The following SLC17A8 variants were observed in gnomAD, a reference collection of about 807,000 sequenced individuals.
SLC17A8 encodes solute carrier family 17 member 8.
Under a neutral mutation model 58.0 loss-of-function variants are expected in SLC17A8, and 31 were observed. That is an observed-to-expected ratio of 0.53 (90% CI 0.40 to 0.72). The LOEUF (loss-of-function observed/expected upper bound fraction) is 0.72, where lower values mean the gene tolerates loss of function less well. Ranked by LOEUF, SLC17A8 falls within the 30% of genes least tolerant of loss-of-function variation. SLC17A8 has a pLI of 0.00. For missense variants in SLC17A8, 655 were observed against 727.8 expected (o/e 0.90, Z 1.15); for synonymous variants, 228 against 249.0 (o/e 0.92, Z 0.79).
intron 1 of SLC17A8, among the ~76,000 whole-genome samples, chr12:100,364,233 C>T (rs1339164777): frequency 6.6e-6 from 1 of 152,108 alleles, no homozygotes; most frequent in African/African-American, 2.4e-5. Flanking sequence ...AAATCAGACA[C>T]TGAATCCTCA....
intron 10 of SLC17A8, among the ~76,000 whole-genome samples, chr12:100,415,918 A>G (rs1376372691): frequency 6.6e-6 from 1 of 152,212 alleles, no homozygotes; most frequent in Non-Finnish European, 1.5e-5. Flanking sequence ...TTGCAGCCAC[A>G]GGGGCAATAA....
intron 3 of SLC17A8, 85 bp downstream of exon 3, chr12:100,391,204 G>C: frequency 1.0e-6 from 1 of 954,892 alleles, no homozygotes; most frequent in Non-Finnish European, 1.7e-6. Context: ...TCTCAATTTG[G>C]GGGTGCAGAA....
Position 100,420,087 on chromosome 12 carries a change from A to G in SLC17A8, c.1698A>G (p.Arg566=). 6.2e-7 allele frequency: 1 copy of G among 1,614,166 alleles called. No homozygotes were observed. The highest frequency in any genetic ancestry group is 8.5e-7 in the Non-Finnish European group (1 of 1,180,016). ...EVQKKEWKGQ[R]GATLDEEELT... is the part of the protein sequence containing the mutation. ...AGAAGAAGGAATGGAAAGGACAGAGAGGAGCGACCCTTGATGAGGAAGAGC... is the reference window on the plus strand; with the variant it reads ...AGAAGAAGGAATGGAAAGGACAGAGGGGAGCGACCCTTGATGAGGAAGAGC... Residue 566 remains arginine (R), a synonymous_variant, in exon 12 of 12, where the codon AGA becomes AGG. Transcript: ENST00000323346.
At chr12:100,377,585 A>AT (rs35397911) in intron 1 of SLC17A8, among the ~76,000 whole-genome samples, 1,255 of 83,862 alleles carry the variant, frequency 0.015, 35 homozygotes, top group East Asian at 0.05. Context: ...ATATATATAT[A>AT]TTTTTTTTTT....
chr12:100,396,378 C>T lies in SLC17A8; in HGVS notation c.637C>T (p.Pro213Ser). Residue 213 changes from proline to serine, a missense_variant, in exon 5 of 12, where the codon CCT becomes TCT. Transcript: ENST00000323346. Reference sequence around the variant, plus strand: ...TGGGATGTGGAGTAAGTGGGCACCACCTTTGGAGAGAAGCCGACTGGCCAC... The same window carrying T: ...TGGGATGTGGAGTAAGTGGGCACCATCTTTGGAGAGAAGCCGACTGGCCAC... ...CHGMWSKWAP[P>S]LERSRLATTS... 3.7e-6 allele frequency: 6 copies of T among 1,614,076 alleles called. No homozygotes were observed. The highest frequency in any genetic ancestry group is 5.1e-6 in the Non-Finnish European group (6 of 1,180,026).
chr12:100,411,370 C>A (rs556304346), intron 9 of SLC17A8, among the ~76,000 whole-genome samples: 1 of 152,284 alleles, frequency 6.6e-6, no homozygotes, highest in Admixed American at 6.5e-5. Flanking sequence ...ATCCCAGCTA[C>A]TTGGGAGGCT....
chr12:100,373,794 G>A (rs1201035259), intron 1 of SLC17A8, among the ~76,000 whole-genome samples: 1 of 151,842 alleles, frequency 6.6e-6, no homozygotes, highest in Non-Finnish European at 1.5e-5. Flanking sequence ...TCACCATGTT[G>A]GTTAGGCTGG....
intron 2 of SLC17A8, among the ~76,000 whole-genome samples, chr12:100,387,370 A>G (rs914481903): frequency 6.6e-6 from 1 of 152,190 alleles, no homozygotes; most frequent in African/African-American, 2.4e-5. Flanking sequence ...CCGCCTCTTC[A>G]TGTAGATATT....
At chr12:100,409,890 G>T (rs945176867) in intron 9 of SLC17A8, among the ~76,000 whole-genome samples, 1 of 152,192 alleles carries the variant, frequency 6.6e-6, no homozygotes, top group African/African-American at 2.4e-5. Flanking sequence ...AGAGATGAGG[G>T]CTGGAAGAAG....
At chr12:100,381,006 C>A in intron 2 of SLC17A8, 53 bp downstream of exon 2, 6 of 1,606,676 alleles carry the variant, frequency 3.7e-6, no homozygotes, top group South Asian at 1.1e-5. Context: ...GGGTCTCGCT[C>A]GGTCTCCCAG....
At chr12:100,411,616 CT>C (rs1952868226) in intron 9 of SLC17A8, among the ~76,000 whole-genome samples, 1 of 152,144 alleles carries the variant, frequency 6.6e-6, no homozygotes, top group Non-Finnish European at 1.5e-5. Flanking sequence ...TGAAGCACCA[CT>C]AATTGTCTCT....
chr12:100,402,789 T>G, intron 8 of SLC17A8, 44 bp downstream of exon 8: 48 of 1,554,876 alleles, frequency 3.1e-5, no homozygotes, highest in Non-Finnish European at 3.8e-5. Context: ...TTTAAATCTC[T>G]TGATTCTACA....
chr12:100,401,923 A>G (rs1952794131), intron 6 of SLC17A8, 60 bp downstream of exon 6: 3 of 1,341,224 alleles, frequency 2.2e-6, no homozygotes, highest in Middle Eastern at 1.8e-4. Context: ...TTTACTGCAT[A>G]TGGGTTTGGC....
At chr12:100,409,429 G>T (rs533585583) in intron 9 of SLC17A8, among the ~76,000 whole-genome samples, 3 of 152,128 alleles carry the variant, frequency 2.0e-5, no homozygotes, top group Non-Finnish European at 4.4e-5. Flanking sequence ...CAGGTGATCC[G>T]CCTGCCTCGT....
intron 6 of SLC17A8, 72 bp from the exon 7 acceptor site, chr12:100,402,268 G>A: frequency 6.3e-7 from 1 of 1,577,942 alleles, no homozygotes; most frequent in Non-Finnish European, 8.7e-7. Context: ...AATATATATG[G>A]TAAAAATTGA....
intron 5 of SLC17A8, among the ~76,000 whole-genome samples, chr12:100,398,272 C>T (rs763638452): frequency 6.6e-6 from 1 of 152,178 alleles, no homozygotes; most frequent in African/African-American, 2.4e-5. Context: ...CCTTAGAAAC[C>T]ATCTCCATCC....
At chr12:100,385,034 G>A (rs543111050) in intron 2 of SLC17A8, among the ~76,000 whole-genome samples, 6 of 152,046 alleles carry the variant, frequency 3.9e-5, no homozygotes, top group African/African-American at 1.2e-4. Flanking sequence ...CTGTGACTCC[G>A]TGGGACTTAT....
chr12:100,421,673 T>G lies in SLC17A8; in HGVS notation c.*1514T>G, dbSNP rs1952950912. ...ATTGTAAAGTGTTTTTTTTTTTTTT[T>G]TTTTTTTCTAATTTCTCCCACATGT... On this transcript the variant is annotated 3_prime_UTR_variant, in exon 12 of 12. Transcript: ENST00000323346. 1 of 147,328 alleles carries G rather than the reference T, an allele frequency of 6.8e-6. No homozygotes were observed. Among genetic ancestry groups the G allele is most frequent in the African/African-American group, 2.5e-5 (1 of 40,622 alleles). 9.1% of individuals were successfully genotyped at this position (147,328 alleles called of 1,614,324 possible).
intron 2 of SLC17A8, among the ~76,000 whole-genome samples, chr12:100,383,784 G>A (rs1320703817): frequency 1.3e-5 from 2 of 151,592 alleles, no homozygotes; most frequent in African/African-American, 4.9e-5. Context: ...GTTCACCGCA[G>A]CCTTGACCTC....
Sources: gnomAD v4.1 joint callset for allele counts (sites outside exome capture counted in the v4.1 genomes callset) on GRCh38, gnomAD v4.1.1 for gene constraint, MANE v1.5 for transcripts, NCBI Gene and HGNC (gene_info 2026-07-23, HGNC 2026-07-21) for gene names.